Variants in TBCEL observed in about 807,000 individuals in gnomAD.
The protein encoded by TBCEL is tubulin folding cofactor E like.
TBCEL carries 15 observed loss-of-function variants against 44.2 expected under a neutral mutation model. That is an observed-to-expected ratio of 0.34 (90% CI 0.23 to 0.52). The LOEUF is 0.52. TBCEL is among the 20% of genes least tolerant of loss of function. The pLI is 0.95. For synonymous variants in TBCEL, 171 were observed against 185.4 expected (o/e 0.92, Z 0.63); for missense variants, 319 against 506.3 (o/e 0.63, Z 3.55).
intron 8 of TBCEL, among the ~76,000 whole-genome samples, chr11:121,086,056 C>A (rs1036346447): frequency 1.3e-5 from 2 of 152,164 alleles, no homozygotes; most frequent in East Asian, 3.9e-4. Context: ...AGATCTAGAT[C>A]CTCCAGGGCT....
At chr11:121,032,426 C>T (rs1396591995) in intron 1 of TBCEL, among the ~76,000 whole-genome samples, 3 of 152,076 alleles carry the variant, frequency 2.0e-5, no homozygotes, top group East Asian at 1.9e-4. Flanking sequence ...TAGGTTCCTG[C>T]GAGCCTCTGA....
chr11:121,044,784 C>G (rs1945399363), intron 2 of TBCEL, among the ~76,000 whole-genome samples: 1 of 152,060 alleles, frequency 6.6e-6, no homozygotes, highest in Non-Finnish European at 1.5e-5. Context: ...TGTTTGGACC[C>G]TTAGCTGATG....
intron 1 of TBCEL, among the ~76,000 whole-genome samples, chr11:121,033,261 T>C (rs1945174804): frequency 6.6e-6 from 1 of 152,176 alleles, no homozygotes; most frequent in Non-Finnish European, 1.5e-5. Context: ...AAACTTTTAT[T>C]ATATGAGAAT....
rs111303201 is a variant in TBCEL at position 121,090,776 on chromosome 11, A to G, written c.*3680A>G. 1 of 151,734 alleles carries G rather than the reference A, an allele frequency of 6.6e-6. No individual in the cohort carries two copies. Among genetic ancestry groups the G allele is most frequent in the African/African-American group, 2.4e-5 (1 of 41,352 alleles). 9.4% of individuals were successfully genotyped at this position (151,734 alleles called of 1,614,324 possible). ...AAAAATTAAAATTCAAGTCCATTTT[A>G]TCTTTGTGTTCTGATTTTTTTTCTG... is the stretch of plus-strand genomic sequence containing the variant. On this transcript the variant is annotated 3_prime_UTR_variant, in exon 9 of 9. Transcript: ENST00000683345.
At chr11:121,033,372 T>A (rs1945176203) in intron 1 of TBCEL, among the ~76,000 whole-genome samples, 1 of 152,146 alleles carries the variant, frequency 6.6e-6, no homozygotes, top group Admixed American at 6.5e-5. Context: ...GCTCTATTAG[T>A]CCCTCATTAG....
At chr11:121,079,842 TCTCA>T (rs1479006016) in intron 8 of TBCEL, among the ~76,000 whole-genome samples, 9 of 152,004 alleles carry the variant, frequency 5.9e-5, no homozygotes, top group Admixed American at 2.6e-4. Context: ...TGAAACGGAG[TCTCA>T]CTCTGTCACC....
rs916073907 is a variant in TBCEL at position 121,061,635 on chromosome 11, G to C, written c.956+1550G>C. 2.0e-5 allele frequency among the ~76,000 whole-genome samples: 3 copies of C among 152,014 alleles called. 1 individual carries two copies. Among genetic ancestry groups the C allele is most frequent in the South Asian group, 4.2e-4 (2 of 4,808 alleles). On this transcript the variant is annotated intron_variant, in intron 8 of 8. Transcript: ENST00000683345. ...CTATAATGAATGTTGTAACACAATG[G>C]TAAGTATTTGTGTATCTAAATACAT...
At chr11:121,051,475 A>G (rs1232457748) in intron 4 of TBCEL, among the ~76,000 whole-genome samples, 2 of 151,786 alleles carry the variant, frequency 1.3e-5, no homozygotes, top group Non-Finnish European at 2.9e-5. Context: ...CAAAGAGGTT[A>G]AGTATAGCTG....
intron 5 of TBCEL, among the ~76,000 whole-genome samples, chr11:121,054,271 T>C (rs1334381052): frequency 6.6e-6 from 1 of 151,928 alleles, no homozygotes; most frequent in African/African-American, 2.4e-5. Flanking sequence ...TTAAAGAGGC[T>C]GTAGTTTCTT....
In TBCEL at chr11:121,040,712, TGAA is replaced by T. The variant is rs200111697; in HGVS notation, c.-18+4103_-18+4105del. Among the ~76,000 whole-genome samples the T allele has an allele frequency of 8.5e-5, 13 of 152,274 alleles. No individual in the cohort carries two copies. In the East Asian group the frequency reaches 2.5e-3, roughly 29 times the overall value. ...TTTAAAAATAGAAATATTATAATAATGAAGACATTAAAAAACCCTTTGACAAAC... is the reference window on the plus strand; with the variant it reads ...TTTAAAAATAGAAATATTATAATAATGACATTAAAAAACCCTTTGACAAAC... On this transcript the variant is annotated intron_variant, in intron 2 of 8. Transcript: ENST00000683345.
At chr11:121,042,345 G>A (rs1487698305) in intron 2 of TBCEL, among the ~76,000 whole-genome samples, 1 of 152,084 alleles carries the variant, frequency 6.6e-6, no homozygotes, top group Non-Finnish European at 1.5e-5. Context: ...TGTTGCTAGT[G>A]GCATAGCACC....
chr11:121,039,919 C>A (rs193014135), intron 2 of TBCEL, among the ~76,000 whole-genome samples: 1 of 152,092 alleles, frequency 6.6e-6, no homozygotes, highest in Non-Finnish European at 1.5e-5. Flanking sequence ...AGGATTGATT[C>A]GTTGTACAAA....
intron 2 of TBCEL, among the ~76,000 whole-genome samples, chr11:121,041,080 C>T (rs915718057): frequency 2.0e-5 from 3 of 152,132 alleles, no homozygotes; most frequent in Admixed American, 6.5e-5. Context: ...TACTACTCTA[C>T]GCTGTTTCTT....
chr11:121,049,356 C>A (rs1283343830), intron 4 of TBCEL, among the ~76,000 whole-genome samples: 2 of 151,766 alleles, frequency 1.3e-5, no homozygotes, highest in Non-Finnish European at 2.9e-5. Flanking sequence ...AAAAACCTAT[C>A]CATAACCTAG....
intron 7 of TBCEL, 33 bp downstream of exon 7, chr11:121,058,504 G>A: frequency 6.2e-7 from 1 of 1,608,484 alleles, no homozygotes; most frequent in Non-Finnish European, 8.5e-7. Context: ...CTTTATTTTT[G>A]TGAGGCCTTA....
chr11:121,025,405 T>TA (rs570341125), intron 1 of TBCEL, among the ~76,000 whole-genome samples: 37 of 144,940 alleles, frequency 2.6e-4, no homozygotes, highest in Middle Eastern at 3.5e-3. Context: ...CTTTCAAACT[T>TA]AAAAAAAAAA....
intron 2 of TBCEL, among the ~76,000 whole-genome samples, chr11:121,042,565 G>A (rs1280539318): frequency 6.6e-6 from 1 of 152,078 alleles, no homozygotes; most frequent in African/African-American, 2.4e-5. Flanking sequence ...TTATCTTTTA[G>A]CTTACAAATG....
chr11:121,045,953 T>C, intron 3 of TBCEL, 130 bp downstream of exon 3: 1 of 1,100,170 alleles, frequency 9.1e-7, no homozygotes, highest in East Asian at 2.9e-5. Context: ...CCCCTTGTTA[T>C]GATTTCAGTT....
intron 1 of TBCEL, among the ~76,000 whole-genome samples, chr11:121,029,194 G>C (rs150899250): frequency 6.6e-6 from 1 of 152,052 alleles, no homozygotes; most frequent in African/African-American, 2.4e-5. Context: ...CTCCCTCAGT[G>C]TTCTCAAAGT....
Sources: allele counts gnomAD v4.1 joint callset (sites outside exome capture counted in the v4.1 genomes callset), GRCh38; gene constraint gnomAD v4.1.1; transcripts MANE v1.5; gene names NCBI Gene and HGNC (gene_info 2026-07-23, HGNC 2026-07-21).